TMEM161B: variants seen among roughly 807,000 people sequenced by gnomAD.
TMEM161B encodes the protein transmembrane protein 161B.
In TMEM161B, 34 loss-of-function variants were observed where a neutral mutation model predicts 61.8. The ratio of observed to expected loss-of-function variants is 0.55; its 90% CI spans 0.42 to 0.73. The LOEUF is 0.73. TMEM161B is among the 30% of genes least tolerant of loss of function. The pLI is 0.00. For missense variants in TMEM161B, 456 were observed against 558.5 expected, an observed-to-expected ratio of 0.82 and a Z score of 1.85; for synonymous variants, 167 against 192.8, an observed-to-expected ratio of 0.87 and a Z score of 1.11.
intron 5 of TMEM161B, among the ~76,000 whole-genome samples, chr5:88,218,717 G>T (rs1166741084): frequency 2.0e-5 from 3 of 152,102 alleles, no homozygotes; most frequent in Non-Finnish European, 2.9e-5. Context: ...TCAGAAATTG[G>T]ATTGGCAGCT....
chr5:88,222,078 C>T (rs572221871), intron 4 of TMEM161B, among the ~76,000 whole-genome samples: 48 of 152,228 alleles, frequency 3.2e-4, no homozygotes, highest in African/African-American at 1.1e-3. Context: ...TCTGCTTCAA[C>T]GTACTTTAAC....
At chr5:88,199,207 C>A in intron 9 of TMEM161B, 57 bp from the exon 10 acceptor site, 1 of 1,500,132 alleles carries the variant, frequency 6.7e-7, no homozygotes, top group South Asian at 1.3e-5. Context: ...CTAGCATGCT[C>A]GTTATATGTT....
At chr5:88,197,918 C>A (rs1749973077) in intron 10 of TMEM161B, 153 bp from the exon 11 acceptor site, 2 of 514,500 alleles carry the variant, frequency 3.9e-6, no homozygotes, top group Non-Finnish European at 3.3e-6. Context: ...TGATACATGT[C>A]CCCAAAATGA....
chr5:88,233,501 C>A (rs1229237968), intron 2 of TMEM161B, among the ~76,000 whole-genome samples: 1 of 152,092 alleles, frequency 6.6e-6, no homozygotes, highest in Non-Finnish European at 1.5e-5. Flanking sequence ...AAGAAGGGAA[C>A]AGATCATGCA....
chr5:88,261,664 A>G (rs1467910583), intron 1 of TMEM161B, among the ~76,000 whole-genome samples: 4 of 149,060 alleles, frequency 2.7e-5, no homozygotes, highest in South Asian at 2.2e-4. Context: ...CAGGCAATAC[A>G]ATGGAGAAAA....
intron 2 of TMEM161B, among the ~76,000 whole-genome samples, chr5:88,232,997 G>A (rs1397343377): frequency 6.6e-6 from 1 of 152,100 alleles, no homozygotes; most frequent in Middle Eastern, 3.2e-3. Flanking sequence ...ATCTTTATTA[G>A]TGAGAATTAT....
At chr5:88,186,054 C>T (rs1748343371), downstream of TMEM161B, among the ~76,000 whole-genome samples, 1 of 152,118 alleles carries the variant, frequency 6.6e-6, no homozygotes, top group African/African-American at 2.4e-5. Flanking sequence ...AAATCGACAC[C>T]TATAAAGAGT....
chr5:88,226,255 A>G (rs1750034309), intron 3 of TMEM161B, among the ~76,000 whole-genome samples: 1 of 152,212 alleles, frequency 6.6e-6, no homozygotes, highest in Non-Finnish European at 1.5e-5. Flanking sequence ...ACACACATAC[A>G]TATAAACAGA....
intron 1 of TMEM161B, among the ~76,000 whole-genome samples, chr5:88,249,968 G>T (rs547252228): frequency 2.6e-5 from 4 of 152,124 alleles, no homozygotes; most frequent in Non-Finnish European, 4.4e-5. Context: ...TAACCAATCT[G>T]CAGGGCCAGC....
At chr5:88,249,317 C>T (rs1313310498) in intron 1 of TMEM161B, among the ~76,000 whole-genome samples, 1 of 152,132 alleles carries the variant, frequency 6.6e-6, no homozygotes, top group Non-Finnish European at 1.5e-5. Flanking sequence ...GCCTTAGCTA[C>T]TGAGCTTCAG....
intron 7 of TMEM161B, 135 bp downstream of exon 7, chr5:88,206,304 G>A (rs1745452429): frequency 1.4e-6 from 1 of 711,296 alleles, no homozygotes; most frequent in Non-Finnish European, 2.3e-6. Flanking sequence ...AAAATTATGA[G>A]TAAGGATGTT....
At position 88,196,199 on chromosome 5, in the gene TMEM161B, G is replaced by A. The variant is rs78439737; in HGVS notation, c.*12C>T. The A allele has an allele frequency of 3.0e-5, 48 of 1,581,794 alleles. No homozygotes were observed. In the East Asian group the frequency reaches 1.0e-3, roughly 33 times the overall value. On this transcript the variant is annotated 3_prime_UTR_variant, in exon 12 of 12. Transcript: ENST00000296595. ...AAGGGTGATTTGGATATGCTTTTTTGTTAACTGAGATTCATGCCACAGTCA... is the reference window on the plus strand; with the variant it reads ...AAGGGTGATTTGGATATGCTTTTTTATTAACTGAGATTCATGCCACAGTCA...
At chr5:88,196,526 A>G (rs1749674867) in intron 11 of TMEM161B, 38 bp from the exon 12 acceptor site, 1 of 1,512,684 alleles carries the variant, frequency 6.6e-7, no homozygotes, top group Non-Finnish European at 8.8e-7. Flanking sequence ...TTGAAGAGTA[A>G]CTAATTACCA....
intron 8 of TMEM161B, among the ~76,000 whole-genome samples, chr5:88,204,324 T>C (rs1745025178): frequency 6.6e-6 from 1 of 151,818 alleles, no homozygotes; most frequent in Non-Finnish European, 1.5e-5. Context: ...GAAAATAAAA[T>C]AAAACCCCAA....
At chr5:88,216,684 T>C (rs1033887916) in intron 5 of TMEM161B, among the ~76,000 whole-genome samples, 24 of 152,286 alleles carry the variant, frequency 1.6e-4, no homozygotes, top group African/African-American at 5.8e-4. Context: ...TCAAATTATA[T>C]CATAGATTTT....
At chr5:88,221,949 T>C (rs1253876771) in intron 4 of TMEM161B, among the ~76,000 whole-genome samples, 1 of 152,236 alleles carries the variant, frequency 6.6e-6, no homozygotes, top group Non-Finnish European at 1.5e-5. Flanking sequence ...CTATTAAAAG[T>C]AGTATCAAAA....
At chr5:88,234,239 C>A (rs910022230) in intron 2 of TMEM161B, among the ~76,000 whole-genome samples, 4 of 152,104 alleles carry the variant, frequency 2.6e-5, no homozygotes, top group African/African-American at 9.7e-5. Context: ...AGGGGCTGCA[C>A]ATTTAACCAG....
At chr5:88,218,397 C>A (rs1748303590) in intron 5 of TMEM161B, among the ~76,000 whole-genome samples, 1 of 151,850 alleles carries the variant, frequency 6.6e-6, no homozygotes, top group South Asian at 2.1e-4. Context: ...GAAAACAGAC[C>A]CTAAATAAGG....
At chr5:88,224,606 T>C (rs1019115580) in intron 4 of TMEM161B, among the ~76,000 whole-genome samples, 1 of 152,198 alleles carries the variant, frequency 6.6e-6, no homozygotes, top group African/African-American at 2.4e-5. Context: ...TCTAAAACCA[T>C]TTTCCTTTCT....
Sources: gnomAD v4.1 joint callset for allele counts (sites outside exome capture counted in the v4.1 genomes callset) on GRCh38, gnomAD v4.1.1 for gene constraint, MANE v1.5 for transcripts, NCBI Gene and HGNC (gene_info 2026-07-23, HGNC 2026-07-21) for gene names.